Variants in CLIC5 observed in about 807,000 individuals in gnomAD.
The protein encoded by CLIC5 is CLIC family member 5.
Under a neutral mutation model 24.7 loss-of-function variants are expected in CLIC5, and 20 were observed. The observed-to-expected ratio is 0.81, with a 90% CI of 0.57 to 1.18. The LOEUF is 1.18. Among genes scored for constraint, CLIC5 ranks in the 50% most tolerant of loss-of-function variants. The pLI, the probability that CLIC5 is intolerant of heterozygous loss-of-function variation, is 0.00. For missense variants in CLIC5, 341 were observed against 326.1 expected, an observed-to-expected ratio of 1.05 and a Z score of -0.35; for synonymous variants, 159 against 135.6, an observed-to-expected ratio of 1.17 and a Z score of -1.20.
the CLIC5 span, among the ~76,000 whole-genome samples, chr6:46,107,606 G>A: frequency 6.6e-6 from 1 of 152,162 alleles, no homozygotes; most frequent in African/African-American, 2.4e-5. Flanking sequence ...AAGAAAAGTA[G>A]GAAGTATTTT....
intron 1 of CLIC5, among the ~76,000 whole-genome samples, chr6:46,061,907 C>G (rs1762294038): frequency 6.6e-6 from 1 of 152,164 alleles, no homozygotes; most frequent in African/African-American, 2.4e-5. Context: ...CAGGGAAGAG[C>G]CTGTGACCAC....
chr6:46,103,714 T>C, the CLIC5 span, among the ~76,000 whole-genome samples: 1 of 152,192 alleles, frequency 6.6e-6, no homozygotes, highest in African/African-American at 2.4e-5. Context: ...AACAAATTTG[T>C]ATGCCTTTTC....
At chr6:45,958,422 TTATATA>T (rs35922936) in intron 1 of CLIC5, among the ~76,000 whole-genome samples, 755 of 7,998 alleles carry the variant, frequency 0.094, 5 homozygotes, top group Non-Finnish European at 0.14. Context: ...AAAAAGACAA[TTATATA>T]TATATATATA....
chr6:45,998,164 G>C (rs1389941771), intron 1 of CLIC5, among the ~76,000 whole-genome samples: 1 of 152,224 alleles, frequency 6.6e-6, no homozygotes, highest in African/African-American at 2.4e-5. Context: ...TGCAAAATTG[G>C]TTTGGAAATG....
At chr6:45,924,747 T>C (rs1763409234) in intron 4 of CLIC5, among the ~76,000 whole-genome samples, 1 of 146,536 alleles carries the variant, frequency 6.8e-6, no homozygotes, top group African/African-American at 2.5e-5. Context: ...TATTTGTTAC[T>C]AGTAGAAGAC....
chr6:45,949,877 T>A (rs1023612232), intron 2 of CLIC5, among the ~76,000 whole-genome samples: 1 of 152,216 alleles, frequency 6.6e-6, no homozygotes, highest in Non-Finnish European at 1.5e-5. Flanking sequence ...ATGCTTCTAT[T>A]GTGTGTAACT....
At chr6:45,882,210 C>A (rs1259842832) in intron 6 of CLIC5, among the ~76,000 whole-genome samples, 2 of 152,224 alleles carry the variant, frequency 1.3e-5, no homozygotes, top group African/African-American at 4.8e-5. Context: ...CTCCCAAGGG[C>A]CATGGAATGA....
At position 45,899,970 on chromosome 6, in the gene CLIC5, T is replaced by C. The variant is rs1277524781; in HGVS notation, c.*3118A>G. 1 of 152,198 alleles carries C rather than the reference T, an allele frequency of 6.6e-6. No homozygotes were observed. Among genetic ancestry groups the C allele is most frequent in the African/African-American group, 2.4e-5 (1 of 41,444 alleles). The allele number at this position is 152,198 out of a possible 1,614,324, so 9.4% of individuals were successfully genotyped here. A position where few individuals can be genotyped will look rare whatever the true frequency, so the allele number is the denominator to read the frequency against. ...TTAAAAGAATATAGCTATGCTCACA[T>C]CTGTGACTCTGAATTTATCAAGCAT... On this transcript the variant is annotated 3_prime_UTR_variant, in exon 6 of 6. Coordinates refer to ENST00000339561, the MANE Select transcript of CLIC5 (RefSeq NM_016929.5).
intron 1 of CLIC5, among the ~76,000 whole-genome samples, chr6:46,027,234 C>T (rs542675954): frequency 8.5e-5 from 13 of 152,246 alleles, no homozygotes; most frequent in African/African-American, 2.9e-4. Context: ...GGTGAGGAAG[C>T]CTCCTGCACA....
chr6:45,926,449 G>A (rs1326733971), intron 4 of CLIC5, among the ~76,000 whole-genome samples: 1 of 151,032 alleles, frequency 6.6e-6, no homozygotes, highest in East Asian at 2.0e-4. Flanking sequence ...GTAGAGATGG[G>A]GTTTCACCAT....
intron 1 of CLIC5, among the ~76,000 whole-genome samples, chr6:45,984,111 C>A (rs1765654327): frequency 6.6e-6 from 1 of 152,080 alleles, no homozygotes; most frequent in Admixed American, 6.5e-5. Flanking sequence ...CTTAGTGGAA[C>A]ATAGTAAAGG....
At chr6:45,983,098 T>G (rs1159433808) in intron 1 of CLIC5, among the ~76,000 whole-genome samples, 1 of 152,172 alleles carries the variant, frequency 6.6e-6, no homozygotes, top group Non-Finnish European at 1.5e-5. Context: ...GAGGTGGGCT[T>G]CCTTGTAACG....
At chr6:45,905,500 T>C (rs1762634423) in intron 5 of CLIC5, among the ~76,000 whole-genome samples, 1 of 150,318 alleles carries the variant, frequency 6.7e-6, no homozygotes, top group African/African-American at 2.5e-5. Context: ...TTTTTTTTAA[T>C]GTTTGTTGGC....
At chr6:45,915,485 C>A (rs1185311733) in intron 4 of CLIC5, among the ~76,000 whole-genome samples, 1 of 152,096 alleles carries the variant, frequency 6.6e-6, no homozygotes, top group Non-Finnish European at 1.5e-5. Flanking sequence ...ATGTCACCCC[C>A]AGAGAAGTGA....
chr6:46,044,233 G>T (rs1581894468), intron 1 of CLIC5, among the ~76,000 whole-genome samples: 1 of 152,122 alleles, frequency 6.6e-6, no homozygotes, highest in Non-Finnish European at 1.5e-5. Context: ...TCCAGTTGAG[G>T]CTTTTTGACT....
At chr6:46,085,497 G>A in the CLIC5 span, among the ~76,000 whole-genome samples, 1 of 152,330 alleles carries the variant, frequency 6.6e-6, no homozygotes, top group East Asian at 1.9e-4. Flanking sequence ...CTAACAGACA[G>A]GACCCTCAGC....
At position 45,901,227 on chromosome 6, in the gene CLIC5, A is replaced by C. The variant is rs1762503526; in HGVS notation, c.*1861T>G. The C allele has an allele frequency of 6.6e-6, 1 of 152,098 alleles. No individual in the cohort carries two copies. The highest frequency in any genetic ancestry group is 6.5e-5 in the Admixed American group (1 of 15,280). 9.4% of individuals were successfully genotyped at this position (152,098 alleles called of 1,614,324 possible). A position where few individuals can be genotyped will look rare whatever the true frequency, so the allele number is the denominator to read the frequency against. On this transcript the variant is annotated 3_prime_UTR_variant, in exon 6 of 6. Transcript: ENST00000339561. ...TCCTTGTTAAACATCTCCAGGGCACAATTTCCAGGGGGACCTGGAAAGGTT... is the reference window on the plus strand; with the variant it reads ...TCCTTGTTAAACATCTCCAGGGCACCATTTCCAGGGGGACCTGGAAAGGTT...
chr6:46,049,494 A>C (rs537600762), intron 1 of CLIC5, among the ~76,000 whole-genome samples: 57 of 152,284 alleles, frequency 3.7e-4, no homozygotes, highest in Middle Eastern at 3.4e-3. Context: ...GAAAGTACCC[A>C]ACCATTGAGG....
chr6:46,097,991 C>G, the CLIC5 span, among the ~76,000 whole-genome samples: 1 of 152,080 alleles, frequency 6.6e-6, no homozygotes, highest in Non-Finnish European at 1.5e-5. Context: ...ACCTGGGAAG[C>G]TTTTAAAGCA....
Sources: gnomAD v4.1 joint callset for allele counts (sites outside exome capture counted in the v4.1 genomes callset) on GRCh38, gnomAD v4.1.1 for gene constraint, MANE v1.5 for transcripts, NCBI Gene and HGNC (gene_info 2026-07-23, HGNC 2026-07-21) for gene names.